PCDHGA8: variants seen among roughly 807,000 people sequenced by gnomAD.
PCDHGA8 encodes the protein protocadherin gamma subfamily A, 8.
PCDHGA8 carries 45 observed loss-of-function variants against 59.2 expected under a neutral mutation model. The ratio of observed to expected loss-of-function variants is 0.76; its 90% CI spans 0.60 to 0.98. PCDHGA8 has a LOEUF of 0.98. Among genes scored for constraint, PCDHGA8 ranks in the 50% least tolerant of loss-of-function variants. The pLI is 0.00. For synonymous variants in PCDHGA8, 531 were observed against 519.0 expected (o/e 1.02, Z -0.32); for missense variants, 1,257 against 1,196.2 (o/e 1.05, Z -0.75).
At chr5:141,412,936 A>T in intron 1 of PCDHGA8, 1 of 459,508 alleles carries the variant, frequency 2.2e-6, no homozygotes, top group African/African-American at 2.0e-5. Flanking sequence ...ACTTCTTAGG[A>T]CTCTGAGCGC....
At chr5:141,414,360 A>G (rs1177384414) in intron 1 of PCDHGA8, 1 of 1,613,800 alleles carries the variant, frequency 6.2e-7, no homozygotes, top group Non-Finnish European at 8.5e-7. Context: ...CGTATCTACC[A>G]TTTAAATTAG....
chr5:141,404,244 C>A (rs1164182551), intron 1 of PCDHGA8: 2 of 1,613,758 alleles, frequency 1.2e-6, no homozygotes, highest in East Asian at 2.2e-5. Context: ...GGAACTCCGC[C>A]CCTGTCCACA....
chr5:141,399,813 G>T (rs985564503), intron 1 of PCDHGA8: 1 of 1,613,080 alleles, frequency 6.2e-7, no homozygotes, highest in Admixed American at 1.7e-5. Flanking sequence ...TGTACCCCGC[G>T]CTGGGTCCCG....
chr5:141,469,354 A>G (rs1160934469), intron 1 of PCDHGA8, among the ~76,000 whole-genome samples: 1 of 152,128 alleles, frequency 6.6e-6, no homozygotes, highest in Non-Finnish European at 1.5e-5. Flanking sequence ...AGGTGGATGG[A>G]TCATGAGGTA....
intron 1 of PCDHGA8, chr5:141,400,092 G>A (rs2093959231): frequency 6.2e-7 from 1 of 1,613,942 alleles, no homozygotes; most frequent in South Asian, 1.1e-5. Context: ...CCACCGCCAC[G>A]CTGCACTTGG....
At position 141,489,108 on chromosome 5, in the gene PCDHGA8, A is replaced by C; in HGVS notation, c.2425-5699A>C. The C allele has an allele frequency of 2.0e-6, 1 of 489,086 alleles. No individual in the cohort carries two copies. The highest frequency in any genetic ancestry group is 3.5e-6 in the Non-Finnish European group (1 of 287,626). 30.3% of individuals were successfully genotyped at this position (489,086 alleles called of 1,614,324 possible). On this transcript the variant is annotated intron_variant, in intron 1 of 3. Transcript: ENST00000398604. This position sits in a 1 kb window ranked among gnomAD's most constrained non-coding sequence, Gnocchi z 4.5. The stretch of plus-strand genomic sequence containing the variant: ...TCGGTGACTAAGAACTGCTGCAAGC[A>C]GGCAAACCTCCGAGCAGTTTTTAAG...
intron 1 of PCDHGA8, chr5:141,421,860 C>G: frequency 8.1e-6 from 13 of 1,613,750 alleles, no homozygotes; most frequent in Non-Finnish European, 1.1e-5. Context: ...CTCACCTGCT[C>G]CTCCTCACAG....
chr5:141,408,973 T>G lies in PCDHGA8; in HGVS notation c.2424+13736T>G, dbSNP rs754120948. 4.3e-5 allele frequency: 70 copies of G among 1,613,718 alleles called. No homozygotes were observed. In the Admixed American group the frequency reaches 6.5e-4, roughly 15 times the overall value. ...TTAGTCTTAGTGAAAATCTGCCCCC[T>G]GGGTCCCCTGTGTTGCAAGTGACAG... On this transcript the variant is annotated intron_variant, in intron 1 of 3. Transcript: ENST00000398604.
rs113065470 is a variant in PCDHGA8 at position 141,401,000 on chromosome 5, C to A, written c.2424+5763C>A. 4.1e-3 allele frequency among the ~76,000 whole-genome samples: 629 copies of A among 152,216 alleles called. 6 individuals are homozygous for A. The highest frequency in any genetic ancestry group is 0.014 in the African/African-American group (590 of 41,530). On this transcript the variant is annotated intron_variant, in intron 1 of 3. Coordinates refer to ENST00000398604, the MANE Select transcript of PCDHGA8 (RefSeq NM_032088.2). ...TGTTCCTCATATATGCTTTCTTATT[C>A]CTACCTAATGGATTTATGATTTTTT...
chr5:141,484,864 A>G, intron 1 of PCDHGA8: 1 of 263,722 alleles, frequency 3.8e-6, no homozygotes, highest in Non-Finnish European at 7.2e-6. Context: ...GGGGTGGGGG[A>G]GCGTGGAGGA....
At chr5:141,467,649 T>C (rs2099147987) in intron 1 of PCDHGA8, among the ~76,000 whole-genome samples, 1 of 152,146 alleles carries the variant, frequency 6.6e-6, no homozygotes, top group Non-Finnish European at 1.5e-5. Flanking sequence ...TGTACCAAAC[T>C]TCTATAGTGC....
intron 1 of PCDHGA8, chr5:141,492,007 C>T (rs1261430567): frequency 3.0e-5 from 19 of 628,956 alleles, no homozygotes; most frequent in Non-Finnish European, 4.6e-5. Flanking sequence ...GCGATTTCCG[C>T]GGGTGTCGGG....
In PCDHGA8 at chr5:141,394,487, C is replaced by A; in HGVS notation, c.1674C>A (p.Asn558Lys). The change falls in exon 1 of 4, where the codon AAC becomes AAA. Residue 558 changes from asparagine (N) to lysine (K), a missense_variant. Coordinates refer to ENST00000398604, the MANE Select transcript of PCDHGA8 (RefSeq NM_032088.2). ...TGTTCGTGCTGGACCAGAATGACAA[C>A]GCGCCCGAGATCCTGTACCCCGCCC... is the stretch of plus-strand genomic sequence containing the variant. ...LSLFVLDQND[N>K]APEILYPALP... 6.2e-7 allele frequency: 1 copy of A among 1,614,248 alleles called. No individual in the cohort carries two copies.
Position 141,485,666 on chromosome 5 carries a change from A to C in PCDHGA8, c.2425-9141A>C. 1.2e-6 allele frequency: 2 copies of C among 1,612,786 alleles called. No homozygotes were observed. Among genetic ancestry groups the C allele is most frequent in the Non-Finnish European group, 1.7e-6 (2 of 1,178,960 alleles). ...GGCTCAGGATGCAGATGTGGGGAGCAATTCGATTAGCAGCTATAGGCTGAG... is the reference window on the plus strand; with the variant it reads ...GGCTCAGGATGCAGATGTGGGGAGCCATTCGATTAGCAGCTATAGGCTGAG... On this transcript the variant is annotated intron_variant, in intron 1 of 3. Transcript: ENST00000398604. This position sits in a 1 kb window ranked among gnomAD's most constrained non-coding sequence, Gnocchi z 5.7.
intron 3 of PCDHGA8, among the ~76,000 whole-genome samples, chr5:141,508,789 A>C: frequency 1.4e-5 from 2 of 145,944 alleles, no homozygotes; most frequent in African/African-American, 2.6e-5. Context: ...CCCCTAAATC[A>C]CTCTGGAATC....
At chr5:141,458,899 T>A (rs1398965632) in intron 1 of PCDHGA8, among the ~76,000 whole-genome samples, 2 of 152,106 alleles carry the variant, frequency 1.3e-5, no homozygotes, top group African/African-American at 2.4e-5. Context: ...GCGCAGCTAA[T>A]TTTTTCTATT....
intron 1 of PCDHGA8, among the ~76,000 whole-genome samples, chr5:141,449,030 G>C (rs2098623784): frequency 6.6e-6 from 1 of 152,012 alleles, no homozygotes; most frequent in Non-Finnish European, 1.5e-5. Context: ...GCATTCCTTT[G>C]GATTATTAAC....
intron 1 of PCDHGA8, chr5:141,403,617 G>C: frequency 6.2e-7 from 1 of 1,613,856 alleles, no homozygotes; most frequent in Non-Finnish European, 8.5e-7. Flanking sequence ...GAGCCGCGTC[G>C]CTCCAGCACA....
rs765969768 is a variant in PCDHGA8, at chr5:141,421,456, G to A, written c.2424+26219G>A. ...CTCCAGAGGGAAGACACAGCTTTTC[G>A]CTGTGAATCCGCGAAGCGGCAGCTT... is the stretch of plus-strand genomic sequence containing the variant. On this transcript the variant is annotated intron_variant, in intron 1 of 3. Transcript: ENST00000398604. 9.3e-6 allele frequency: 15 copies of A among 1,614,132 alleles called. No homozygotes were observed. Among genetic ancestry groups the A allele is most frequent in the Non-Finnish European group, 1.1e-5 (13 of 1,179,948 alleles).
Sources: gnomAD v4.1 joint callset for allele counts (sites outside exome capture counted in the v4.1 genomes callset) on GRCh38, gnomAD v4.1.1 for gene constraint, Gnocchi (gnomAD v3.1) non-coding constraint, MANE v1.5 for transcripts, NCBI Gene and HGNC (gene_info 2026-07-23, HGNC 2026-07-21) for gene names.